Variants in SCO1 observed in about 807,000 individuals in gnomAD.
SCO1 encodes cytochrome c oxidase assembly factor SCO1.
A neutral mutation model predicts 34.0 loss-of-function variants in SCO1; 23 were observed. The ratio of observed to expected loss-of-function variants is 0.68; its 90% CI spans 0.49 to 0.96. SCO1 has a LOEUF of 0.96. SCO1 is among the 40% of genes least tolerant of loss of function. The pLI, the probability that SCO1 is intolerant of heterozygous loss-of-function variation, is 0.00. For missense variants in SCO1, 404 were observed against 381.6 expected, an observed-to-expected ratio of 1.06 and a Z score of -0.49; for synonymous variants, 161 against 145.5, an observed-to-expected ratio of 1.11 and a Z score of -0.77.
rs2074607891 is a variant in SCO1, at chr17:10,679,703, T to C, written c.*1416A>G. The C allele has an allele frequency of 6.6e-6, 1 of 152,172 alleles. No homozygotes were observed. The highest frequency in any genetic ancestry group is 1.5e-5 in the Non-Finnish European group (1 of 68,028). The allele number at this position is 152,172 out of a possible 1,614,324, so 9.4% of individuals were successfully genotyped here. A position where few individuals can be genotyped will look rare whatever the true frequency, so the allele number is the denominator to read the frequency against. On this transcript the variant is annotated 3_prime_UTR_variant, in exon 6 of 6. Coordinates refer to ENST00000255390, the MANE Select transcript of SCO1 (RefSeq NM_004589.4). ...CAAGATTCATTCTATCACTCAATAA[T>C]CATTTTCTTCAATGGCTGACACACC...
chr17:10,683,363 A>G (rs997598614), intron 5 of SCO1, among the ~76,000 whole-genome samples: 5 of 152,186 alleles, frequency 3.3e-5, no homozygotes, highest in Non-Finnish European at 7.3e-5. Context: ...TTTCTCTTTA[A>G]AAACAATGCC....
chr17:10,689,350 C>G (rs186227484), intron 4 of SCO1, among the ~76,000 whole-genome samples: 26 of 152,244 alleles, frequency 1.7e-4, no homozygotes, highest in African/African-American at 5.1e-4. Flanking sequence ...ACACATACAG[C>G]AGATCCTTCA....
At chr17:10,685,042 A>G (rs2662953) in intron 5 of SCO1, among the ~76,000 whole-genome samples, 76,816 of 152,146 alleles carry the variant, frequency 0.5, 20,161 homozygotes, top group African/African-American at 0.65. Context: ...TAAGGCAAAC[A>G]GGCCAGAACC....
intron 2 of SCO1, 75 bp from the exon 3 acceptor site, chr17:10,693,036 G>T: frequency 8.0e-7 from 1 of 1,246,370 alleles, no homozygotes; most frequent in Non-Finnish European, 1.2e-6. Flanking sequence ...CCTGACATAT[G>T]GCCCGTACTA....
intron 5 of SCO1, among the ~76,000 whole-genome samples, chr17:10,682,429 G>A (rs1363547935): frequency 1.3e-5 from 2 of 152,008 alleles, no homozygotes; most frequent in Admixed American, 1.3e-4. Context: ...CAAGACGGGG[G>A]GCTACGTTTC....
rs775603129 is a variant in SCO1, at chr17:10,697,310, G to A, written c.198C>T (p.Pro66=). The A allele has an allele frequency of 1.7e-5, 27 of 1,567,784 alleles. No individual in the cohort carries two copies. The East Asian group carries it at 4.0e-4, about 23-fold the overall frequency. The change falls in exon 1 of 6, where the codon CCC becomes CCT. Residue 66 remains proline (P), a synonymous_variant. Coordinates refer to ENST00000255390, the MANE Select transcript of SCO1 (RefSeq NM_004589.4). ...GGGGTGGCGGCCTCGCAGTGCTGAG[G>A]GGCCGGGTTCCCAGGCAATAGCCAG... is the stretch of plus-strand genomic sequence containing the variant. The part of the protein sequence containing the change: ...GRPGYCLGTR[P]LSTARPPPPW...
At position 10,680,947 on chromosome 17, in the gene SCO1, A is replaced by T; in HGVS notation, c.*172T>A. 2.7e-6 allele frequency: 2 copies of T among 753,742 alleles called. No homozygotes were observed. Among genetic ancestry groups the T allele is most frequent in the Non-Finnish European group, 2.2e-6 (1 of 445,106 alleles). 46.7% of individuals were successfully genotyped at this position (753,742 alleles called of 1,614,324 possible). On this transcript the variant is annotated 3_prime_UTR_variant, in exon 6 of 6. Transcript: ENST00000255390. Reference sequence around the variant, plus strand: ...TGTAATCTTTACAGTTCCAAGAATCAATTTTGGTTGAACGCAAGGGTAACA... The same window carrying T: ...TGTAATCTTTACAGTTCCAAGAATCTATTTTGGTTGAACGCAAGGGTAACA...
intron 2 of SCO1, among the ~76,000 whole-genome samples, chr17:10,694,360 C>A (rs1338583823): frequency 6.6e-6 from 1 of 152,174 alleles, no homozygotes; most frequent in East Asian, 1.9e-4. Flanking sequence ...TCCTTTTGCT[C>A]TGAAAGACAT....
In SCO1 at chr17:10,678,712, T is replaced by C. The variant is rs780780441; in HGVS notation, c.*2407A>G. ...CCAACTGCTTCCGAGCTGGTTTCTATAAACTAAATCTTGCAGTTGTTTATT... is the reference window on the plus strand; with the variant it reads ...CCAACTGCTTCCGAGCTGGTTTCTACAAACTAAATCTTGCAGTTGTTTATT... On this transcript the variant is annotated 3_prime_UTR_variant, in exon 6 of 6. Transcript: ENST00000255390. 2.0e-5 allele frequency: 3 copies of C among 152,350 alleles called. No individual in the cohort carries two copies. Among genetic ancestry groups the C allele is most frequent in the Admixed American group, 6.5e-5 (1 of 15,300 alleles). 9.4% of individuals were successfully genotyped at this position (152,350 alleles called of 1,614,324 possible).
Position 10,686,841 on chromosome 17 carries a change from T to C in SCO1, c.657A>G (p.Glu219=). The change falls in exon 5 of 6, where the codon GAA becomes GAG. Residue 219 remains glutamate (E), a splice_region_variant and synonymous_variant. Transcript: ENST00000255390. ...TCAAGCCAACCAGTTTGGGAGAAAA[T>C]TCTAAATAAAAAATGAGAGAGACAG... The part of the protein sequence containing the change: ...TKEAIANYVK[E]FSPKLVGLTG... 1 of 1,604,772 alleles carries C rather than the reference T, an allele frequency of 6.2e-7. No homozygotes were observed. The highest frequency in any genetic ancestry group is 1.1e-5 in the South Asian group (1 of 90,880).
Position 10,697,286 on chromosome 17 carries a change from G to T in SCO1, c.222C>A (p.Pro74=). ...TRPLSTARPP[P]PWSQKGPGDS... The stretch of plus-strand genomic sequence containing the variant: ...CTCCGGGGCCCTTCTGCGACCACGG[G>T]GGTGGCGGCCTCGCAGTGCTGAGGG... The change falls in exon 1 of 6, where the codon CCC becomes CCA. Residue 74 remains proline, a synonymous_variant. Coordinates refer to ENST00000255390, the MANE Select transcript of SCO1 (RefSeq NM_004589.4). The T allele has an allele frequency of 6.4e-7, 1 of 1,566,352 alleles. No individual in the cohort carries two copies.
In SCO1 at chr17:10,686,746, T is replaced by C; in HGVS notation, c.752A>G (p.Asp251Gly). Residue 251 changes from aspartate (D) to glycine (G), a missense_variant, in exon 5 of 6, where the codon GAC (aspartate) becomes GGC (glycine). By Grantham distance (94) the Asp-to-Gly change is moderately conservative. Transcript: ENST00000255390. Reference protein sequence around the residue: ...YRVYYSPGPKDEDEDYIVDHT... With the variant: ...YRVYYSPGPKGEDEDYIVDHT... ...ACTCACTATGTAGTCTTCATCTTCG[T>C]CCTTGGGGCCAGGGCTGTAATACAC... is the stretch of plus-strand genomic sequence containing the variant. 1 of 1,611,974 alleles carries C rather than the reference T, an allele frequency of 6.2e-7. No individual in the cohort carries two copies. The highest frequency in any genetic ancestry group is 8.5e-7 in the Non-Finnish European group (1 of 1,178,026).
At chr17:10,688,536 C>A (rs757410538) in intron 4 of SCO1, among the ~76,000 whole-genome samples, 4 of 152,212 alleles carry the variant, frequency 2.6e-5, no homozygotes, top group Non-Finnish European at 4.4e-5. Context: ...CTCTCATATA[C>A]TGCTGGCAGG....
intron 4 of SCO1, among the ~76,000 whole-genome samples, chr17:10,690,683 T>C (rs1435112839): frequency 6.6e-6 from 1 of 152,230 alleles, no homozygotes; most frequent in Non-Finnish European, 1.5e-5. Context: ...ATCTCACTAC[T>C]GGGTATATAT....
chr17:10,687,363 G>T (rs563445636), intron 4 of SCO1, among the ~76,000 whole-genome samples: 2 of 152,034 alleles, frequency 1.3e-5, no homozygotes, highest in East Asian at 1.9e-4. Context: ...TCCCCAAAAC[G>T]CAATCTTAAC....
At position 10,674,544 on chromosome 17, in the gene SCO1, C is replaced by G. The variant is rs556398401; in HGVS notation, c.*6575G>C. 1.1e-5 allele frequency: 2 copies of G among 186,528 alleles called. No homozygotes were observed. Among genetic ancestry groups the G allele is most frequent in the African/African-American group, 4.8e-5 (2 of 41,868 alleles). 11.6% of individuals were successfully genotyped at this position (186,528 alleles called of 1,614,324 possible). A position where few individuals can be genotyped will look rare whatever the true frequency, so the allele number is the denominator to read the frequency against. ...TGGTGTGACACTGCCGGACCACAGA[C>G]TACACTGAGTAGCAAGGCTGTAGAG... On this transcript the variant is annotated 3_prime_UTR_variant, in exon 6 of 6. Transcript: ENST00000255390.
chr17:10,695,574 T>A, intron 2 of SCO1, 167 bp downstream of exon 2: 1 of 577,102 alleles, frequency 1.7e-6, no homozygotes, highest in Non-Finnish European at 3.1e-6. Flanking sequence ...AAGATGTTAA[T>A]ATTAGGGGAA....
chr17:10,693,118 C>T (rs1160411205), intron 2 of SCO1, among the ~76,000 whole-genome samples, 157 bp from the exon 3 acceptor site: 4 of 152,132 alleles, frequency 2.6e-5, no homozygotes, highest in Non-Finnish European at 5.9e-5. Flanking sequence ...AAAATCTTTT[C>T]AGAAAAATAA....
At chr17:10,684,621 T>A (rs768629518) in intron 5 of SCO1, among the ~76,000 whole-genome samples, 2 of 152,266 alleles carry the variant, frequency 1.3e-5, no homozygotes, top group Non-Finnish European at 2.9e-5. Flanking sequence ...GACTCTGAGT[T>A]ATGAGTTCTA....
Sources: gnomAD v4.1 joint callset for allele counts (sites outside exome capture counted in the v4.1 genomes callset) on GRCh38, gnomAD v4.1.1 for gene constraint, MANE v1.5 for transcripts, NCBI Gene and HGNC (gene_info 2026-07-23, HGNC 2026-07-21) for gene names.